The following ADARB2 variants were observed in gnomAD, a reference collection of about 807,000 sequenced individuals.
ADARB2 encodes the protein adenosine deaminase RNA specific B2 (inactive).
In ADARB2, 25 loss-of-function variants were observed where a neutral mutation model predicts 62.2. That is an observed-to-expected ratio of 0.40 (90% CI 0.29 to 0.56). The LOEUF (loss-of-function observed/expected upper bound fraction) is 0.56, where lower values mean the gene tolerates loss of function less well. Among genes scored for constraint, ADARB2 ranks in the 20% least tolerant of loss-of-function variants. The pLI is 0.43. For missense variants in ADARB2, 1,071 were observed against 1,077.4 expected (o/e 0.99, Z 0.08); for synonymous variants, 572 against 500.8 (o/e 1.14, Z -1.90).
At chr10:1,187,811 CG>C in intron 8 of ADARB2, 1 of 415,302 alleles carries the variant, frequency 2.4e-6, no homozygotes, top group Non-Finnish European at 5.0e-6. Flanking sequence ...GGGTGGGCTG[CG>C]GGGTCGTCCA....
intron 1 of ADARB2, among the ~76,000 whole-genome samples, chr10:1,581,187 C>G: frequency 6.6e-6 from 1 of 152,352 alleles, no homozygotes; most frequent in East Asian, 1.9e-4. Context: ...GAGAAGACTG[C>G]TGTGGGGCCA....
chr10:1,574,870 A>C (rs888475905), intron 1 of ADARB2, among the ~76,000 whole-genome samples: 2 of 152,168 alleles, frequency 1.3e-5, no homozygotes, highest in African/African-American at 4.8e-5. Flanking sequence ...AGGAGGGGCT[A>C]TGTTGGCAGA....
chr10:1,184,879 C>T lies in ADARB2; in HGVS notation c.2025G>A (p.Trp675Ter). ...GACCTACCCTGCCATACAGCCGCGC[C>T]CACCGTGCAGACAGCACGTGCTTGC... ...RLCKHVLSAR[W>*]ARLYGRLSTR... Residue 675 changes from tryptophan to a stop codon, truncating the protein, a stop_gained, in exon 9 of 10, where the codon TGG (tryptophan) becomes TGA (stop). Transcript: ENST00000381312. LOFTEE classifies it high-confidence loss of function. 6.2e-7 allele frequency: 1 copy of T among 1,613,526 alleles called. No individual in the cohort carries two copies.
intron 2 of ADARB2, among the ~76,000 whole-genome samples, chr10:1,369,744 A>G (rs1336199672): frequency 6.6e-6 from 1 of 152,246 alleles, no homozygotes; most frequent in Non-Finnish European, 1.5e-5. Flanking sequence ...GAGGGTGGGC[A>G]TGGCCACGCC....
At chr10:1,369,617 G>A (rs1354422873) in intron 2 of ADARB2, among the ~76,000 whole-genome samples, 2 of 152,220 alleles carry the variant, frequency 1.3e-5, no homozygotes, top group African/African-American at 4.8e-5. Context: ...TAAGTGTAAC[G>A]AAACATCATG....
intron 3 of ADARB2, among the ~76,000 whole-genome samples, chr10:1,314,798 C>G (rs1429536127): frequency 6.6e-6 from 1 of 152,150 alleles, no homozygotes; most frequent in African/African-American, 2.4e-5. Context: ...CAGCGGCTCT[C>G]CAGGAGGAAC....
chr10:1,686,585 G>A (rs1278442317), intron 1 of ADARB2, among the ~76,000 whole-genome samples: 4 of 152,160 alleles, frequency 2.6e-5, no homozygotes, highest in Non-Finnish European at 5.9e-5. Context: ...GTAAGGAAAC[G>A]TACGGGACTG....
intron 3 of ADARB2, among the ~76,000 whole-genome samples, chr10:1,281,053 G>A (rs186741280): frequency 8.5e-5 from 13 of 152,222 alleles, no homozygotes; most frequent in Admixed American, 4.6e-4. Context: ...CAAAGAAAAC[G>A]TGGCAATCAA....
At chr10:1,680,302 T>C (rs1276955438) in intron 1 of ADARB2, among the ~76,000 whole-genome samples, 1 of 152,120 alleles carries the variant, frequency 6.6e-6, no homozygotes, top group African/African-American at 2.4e-5. Context: ...TCATCCATAC[T>C]CTGTTCCTGA....
chr10:1,720,734 C>T (rs976192544), intron 1 of ADARB2, among the ~76,000 whole-genome samples: 17 of 152,064 alleles, frequency 1.1e-4, no homozygotes, highest in African/African-American at 2.9e-4. Context: ...CCCCTGGACA[C>T]GTGGAAACCC....
At chr10:1,439,358 C>T (rs1322042229) in intron 1 of ADARB2, among the ~76,000 whole-genome samples, 1 of 142,890 alleles carries the variant, frequency 7.0e-6, no homozygotes, top group African/African-American at 2.7e-5. Flanking sequence ...GCTCCTGAGT[C>T]TCCTCAGCAG....
At position 1,222,775 on chromosome 10, in the gene ADARB2, A is replaced by G. The variant is rs1310364413; in HGVS notation, c.1514-5656T>C. The stretch of plus-strand genomic sequence containing the variant: ...GCTCTGTTCTGTTCCATTGGTCTAT[A>G]TCTCTGTTTTGGTACCAGTACCATG... On this transcript the variant is annotated intron_variant, in intron 6 of 9. Coordinates refer to ENST00000381312, the MANE Select transcript of ADARB2 (RefSeq NM_018702.4). 1.1e-4 allele frequency among the ~76,000 whole-genome samples: 17 copies of G among 149,390 alleles called. 2 individuals are homozygous for G. Among genetic ancestry groups the G allele is most frequent in the Middle Eastern group, 3.4e-3 (1 of 294 alleles).
intron 1 of ADARB2, among the ~76,000 whole-genome samples, chr10:1,535,902 G>A (rs1459745578): frequency 6.6e-6 from 1 of 152,182 alleles, no homozygotes; most frequent in Non-Finnish European, 1.5e-5. Flanking sequence ...GCCTGTCTGG[G>A]GAGTGCCGCC....
chr10:1,626,264 CT>C (rs1833767879), intron 1 of ADARB2, among the ~76,000 whole-genome samples: 1 of 145,958 alleles, frequency 6.9e-6, no homozygotes, highest in Admixed American at 6.8e-5. Flanking sequence ...TCTGCCCATG[CT>C]CTCTCCTGCA....
In ADARB2 at chr10:1,386,202, G is replaced by T. The variant is rs146246817; in HGVS notation, c.101-7042C>A. Among the ~76,000 whole-genome samples the T allele has an allele frequency of 3.6e-3, 551 of 151,698 alleles. 3 individuals carry two copies. Among genetic ancestry groups the T allele is most frequent in the Middle Eastern group, 6.8e-3 (2 of 294 alleles). Reference sequence around the variant, plus strand: ...GTATAGCTAAAAAGTCAACAGAGAAGATAAAATAGAATACTAAAAAAGATT... The same window carrying T: ...GTATAGCTAAAAAGTCAACAGAGAATATAAAATAGAATACTAAAAAAGATT... On this transcript the variant is annotated intron_variant, in intron 1 of 9. Transcript: ENST00000381312.
intron 1 of ADARB2, among the ~76,000 whole-genome samples, chr10:1,580,860 C>T (rs776174576): frequency 7.9e-5 from 12 of 152,232 alleles, no homozygotes; most frequent in African/African-American, 1.7e-4. Context: ...GCCTCATTCA[C>T]GTAGCAACGT....
chr10:1,484,285 G>A lies in ADARB2; in HGVS notation c.101-105125C>T, dbSNP rs138983065. On this transcript the variant is annotated intron_variant, in intron 1 of 9. Coordinates refer to ENST00000381312, the MANE Select transcript of ADARB2 (RefSeq NM_018702.4). Reference sequence around the variant, plus strand: ...AACAGTCAGAGCTAAAATTTCTTGGGCACACAATTTTCTTTAAATGCTCGC... The same window carrying A: ...AACAGTCAGAGCTAAAATTTCTTGGACACACAATTTTCTTTAAATGCTCGC... Among the ~76,000 whole-genome samples the A allele has an allele frequency of 1.4e-4, 21 of 152,322 alleles. No individual in the cohort carries two copies. The East Asian group carries it at 4.0e-3, about 29-fold the overall frequency.
chr10:1,698,329 G>A (rs190798203), intron 1 of ADARB2, among the ~76,000 whole-genome samples: 114 of 152,304 alleles, frequency 7.5e-4, no homozygotes, highest in African/African-American at 2.7e-3. Context: ...ATAGAGCTTG[G>A]AGGCCACTCT....
intron 1 of ADARB2, among the ~76,000 whole-genome samples, chr10:1,423,918 A>G (rs1184870455): frequency 6.6e-6 from 1 of 152,188 alleles, no homozygotes; most frequent in Non-Finnish European, 1.5e-5. Flanking sequence ...ATCACTGTGT[A>G]TGCAGTAGGT....
Sources: allele counts gnomAD v4.1 joint callset (sites outside exome capture counted in the v4.1 genomes callset), GRCh38; gene constraint gnomAD v4.1.1; transcripts MANE v1.5; gene names NCBI Gene and HGNC (gene_info 2026-07-23, HGNC 2026-07-21).